Variants in PSD3 observed in about 807,000 individuals in gnomAD.
PSD3 encodes the protein PH and SEC7 domain-containing protein 3.
A neutral mutation model predicts 105.5 loss-of-function variants in PSD3; 49 were observed. The ratio of observed to expected loss-of-function variants is 0.46; its 90% CI spans 0.37 to 0.59. PSD3 has a LOEUF of 0.59. Among genes scored for constraint, PSD3 ranks in the 20% least tolerant of loss-of-function variants. The probability of loss-of-function intolerance (pLI) is 0.00; values close to 1 mark genes in which losing one functional copy is unlikely to be tolerated. For missense variants in PSD3, 1,561 were observed against 1,263.8 expected (o/e 1.24, Z -3.57); for synonymous variants, 557 against 457.8 (o/e 1.22, Z -2.77).
chr8:18,665,227 C>A (rs1380534656), intron 9 of PSD3, among the ~76,000 whole-genome samples: 3 of 152,292 alleles, frequency 2.0e-5, no homozygotes, highest in South Asian at 4.1e-4. Flanking sequence ...AAGGATTCAC[C>A]ATTTTGGATG....
chr8:18,686,055 C>A (rs1276601052), intron 9 of PSD3, among the ~76,000 whole-genome samples: 1 of 152,064 alleles, frequency 6.6e-6, no homozygotes, highest in Non-Finnish European at 1.5e-5. Flanking sequence ...ACAACAACAA[C>A]AAAAACTAAA....
chr8:19,036,793 C>T (rs915467222), intron 1 of PSD3, among the ~76,000 whole-genome samples: 4 of 152,124 alleles, frequency 2.6e-5, no homozygotes, highest in East Asian at 1.9e-4. Flanking sequence ...TCCTCTTGTA[C>T]GTGGTGGTAA....
chr8:18,564,264 T>G (rs556184306), intron 14 of PSD3, among the ~76,000 whole-genome samples: 1 of 152,236 alleles, frequency 6.6e-6, no homozygotes, highest in African/African-American at 2.4e-5. Context: ...ATAAGGTGAA[T>G]AGTCAAAAAA....
chr8:19,083,174 C>CTCCACA (rs1294122271), intron 1 of PSD3, among the ~76,000 whole-genome samples: 1 of 152,194 alleles, frequency 6.6e-6, no homozygotes, highest in African/African-American at 2.4e-5. Flanking sequence ...TCCCACCACC[C>CTCCACA]TCCACACCCT....
intron 11 of PSD3, among the ~76,000 whole-genome samples, chr8:18,624,615 A>G (rs181845704): frequency 0.051 from 7,610 of 149,366 alleles, 253 homozygotes; most frequent in African/African-American, 0.08. Context: ...GCAGCACACC[A>G]GCATGGCACA....
At chr8:19,056,944 A>T (rs1191742164) in intron 1 of PSD3, among the ~76,000 whole-genome samples, 1 of 152,158 alleles carries the variant, frequency 6.6e-6, no homozygotes. Flanking sequence ...TTACACTTTT[A>T]TTAAGAAAAT....
chr8:19,055,710 T>G (rs940895497), intron 1 of PSD3, among the ~76,000 whole-genome samples: 3 of 152,208 alleles, frequency 2.0e-5, no homozygotes, highest in Non-Finnish European at 4.4e-5. Flanking sequence ...AAAGCAAAGT[T>G]ACACAATTAA....
rs141464579 is a variant in PSD3 at position 18,601,393 on chromosome 8, CAT to C, written c.2411-961_2411-960del. Among the ~76,000 whole-genome samples the C allele has an allele frequency of 3.5e-4, 53 of 152,286 alleles. No homozygotes were observed. In the East Asian group the frequency reaches 9.9e-3, roughly 28 times the overall value. Reference sequence around the variant, plus strand: ...CATTTACTCATGCTCTTGTATCAAACATGTGGCTGTCTGTGGTCTGTCTTTAA... The same window carrying C: ...CATTTACTCATGCTCTTGTATCAAACGTGGCTGTCTGTGGTCTGTCTTTAA... On this transcript the variant is annotated intron_variant, in intron 11 of 15. Coordinates refer to ENST00000327040, the MANE Select transcript of PSD3 (RefSeq NM_015310.4).
chr8:18,734,745 A>G lies in PSD3; in HGVS notation c.2172+30704T>C, dbSNP rs558233951. ...ATCTTCAAGACCCTCTCCAGCTTTAAGCCTGTGAACCCGTAACTGTAAATA... is the reference window on the plus strand; with the variant it reads ...ATCTTCAAGACCCTCTCCAGCTTTAGGCCTGTGAACCCGTAACTGTAAATA... On this transcript the variant is annotated intron_variant, in intron 9 of 15. Coordinates refer to ENST00000327040, the MANE Select transcript of PSD3 (RefSeq NM_015310.4). Among the ~76,000 whole-genome samples the G allele has an allele frequency of 3.9e-5, 6 of 152,330 alleles. No homozygotes were observed. The South Asian group carries it at 1.2e-3, about 32-fold the overall frequency.
rs558767542 is a variant in PSD3 at position 18,593,251 on chromosome 8, T to G, written c.2481+7113A>C. Among the ~76,000 whole-genome samples, 89 of 152,312 alleles carry G rather than the reference T, an allele frequency of 5.8e-4. 1 individual carries two copies. The highest frequency in any genetic ancestry group is 3.4e-3 in the Middle Eastern group (1 of 294). On this transcript the variant is annotated intron_variant, in intron 12 of 15. Coordinates refer to ENST00000327040, the MANE Select transcript of PSD3 (RefSeq NM_015310.4). The stretch of plus-strand genomic sequence containing the variant: ...TGACAAAGGGCTAATATCCAGAGTC[T>G]ACAATGAACTCAAACAAATTTACAA...
At chr8:19,077,227 G>C (rs1829487088) in intron 1 of PSD3, among the ~76,000 whole-genome samples, 1 of 152,158 alleles carries the variant, frequency 6.6e-6, no homozygotes, top group Non-Finnish European at 1.5e-5. Flanking sequence ...GCTCCTTGCA[G>C]ATAAAATGAG....
At chr8:18,776,372 G>GTA (rs1163523654) in intron 8 of PSD3, among the ~76,000 whole-genome samples, 4 of 146,044 alleles carry the variant, frequency 2.7e-5, no homozygotes, top group Non-Finnish European at 6.0e-5. Flanking sequence ...CTAAATATAT[G>GTA]TATATATATA....
intron 1 of PSD3, among the ~76,000 whole-genome samples, chr8:19,024,035 T>C (rs1459623773): frequency 6.6e-6 from 1 of 152,190 alleles, no homozygotes; most frequent in Non-Finnish European, 1.5e-5. Context: ...ATTATCTGCA[T>C]CCTCCCAATC....
At chr8:18,682,841 A>T (rs564533499) in intron 9 of PSD3, among the ~76,000 whole-genome samples, 10 of 151,746 alleles carry the variant, frequency 6.6e-5, no homozygotes, top group Admixed American at 1.3e-4. Context: ...GCCTGATGTC[A>T]CTCTCAGTGG....
chr8:18,822,467 C>A (rs999415611), intron 4 of PSD3, among the ~76,000 whole-genome samples: 5 of 152,250 alleles, frequency 3.3e-5, no homozygotes, highest in Middle Eastern at 3.4e-3. Context: ...CTCTTAAGAG[C>A]AATACTCCAC....
chr8:19,022,163 A>G (rs77108577), intron 1 of PSD3, among the ~76,000 whole-genome samples: 14,469 of 152,214 alleles, frequency 0.095, 874 homozygotes, highest in Non-Finnish European at 0.14. Context: ...GAACTCACTT[A>G]TCACCAGGAG....
At chr8:19,062,235 C>T (rs142097364) in intron 1 of PSD3, among the ~76,000 whole-genome samples, 3 of 152,306 alleles carry the variant, frequency 2.0e-5, no homozygotes, top group African/African-American at 7.2e-5. Context: ...GTTTGAATAG[C>T]AGAAGCGGCG....
At chr8:18,560,624 G>C (rs1801340761) in intron 14 of PSD3, among the ~76,000 whole-genome samples, 2 of 151,888 alleles carry the variant, frequency 1.3e-5, no homozygotes, top group African/African-American at 4.8e-5. Context: ...ATTTAAATCA[G>C]TAAGACCTTT....
rs1368022866 is a variant in PSD3, at chr8:18,528,467, A to G, written c.*7276T>C. 6.6e-6 allele frequency: 1 copy of G among 152,238 alleles called. No homozygotes were observed. The highest frequency in any genetic ancestry group is 2.4e-5 in the African/African-American group (1 of 41,454). 9.4% of individuals were successfully genotyped at this position (152,238 alleles called of 1,614,324 possible). A position where few individuals can be genotyped will look rare whatever the true frequency, so the allele number is the denominator to read the frequency against. On this transcript the variant is annotated 3_prime_UTR_variant, in exon 16 of 16. Transcript: ENST00000327040. ...AGTGACTCAGTCACTCTCGGAGTTG[A>G]TACCTTGCCTCAGCAGGGTCACGCT... is the stretch of plus-strand genomic sequence containing the variant.
Sources: gnomAD v4.1 joint callset for allele counts (sites outside exome capture counted in the v4.1 genomes callset) on GRCh38, gnomAD v4.1.1 for gene constraint, MANE v1.5 for transcripts, NCBI Gene and HGNC (gene_info 2026-07-23, HGNC 2026-07-21) for gene names.